The following PAQR5 variants were observed in gnomAD, a reference collection of about 807,000 sequenced individuals.
The protein encoded by PAQR5 is membrane progestin receptor gamma.
A neutral mutation model predicts 34.5 loss-of-function variants in PAQR5; 20 were observed. The observed-to-expected ratio is 0.58, with a 90% CI of 0.41 to 0.84. The LOEUF (loss-of-function observed/expected upper bound fraction) is 0.84. PAQR5 is among the 40% of genes least tolerant of loss of function. The pLI is 0.00. For synonymous variants in PAQR5, 131 were observed against 155.6 expected (o/e 0.84, Z 1.18); for missense variants, 378 against 412.7 (o/e 0.92, Z 0.73).
chr15:69,299,885 G>A (rs1024252182), intron 1 of PAQR5, among the ~76,000 whole-genome samples: 1 of 151,230 alleles, frequency 6.6e-6, no homozygotes, highest in African/African-American at 2.4e-5. Flanking sequence ...CAGGGGATCT[G>A]AGAAGAGCTA....
intron 2 of PAQR5, among the ~76,000 whole-genome samples, chr15:69,338,437 T>A (rs967109460): frequency 2.0e-5 from 3 of 152,238 alleles, no homozygotes; most frequent in African/African-American, 7.2e-5. Flanking sequence ...GGCTGTTCAC[T>A]TAAACACTGT....
chr15:69,360,269 T>TG, intron 3 of PAQR5, 138 bp downstream of exon 3: 1 of 583,310 alleles, frequency 1.7e-6, no homozygotes, highest in Non-Finnish European at 3.1e-6. Context: ...CACACTTCCT[T>TG]GGGGGATATT....
chr15:69,336,529 T>C (rs1468388354), intron 1 of PAQR5, among the ~76,000 whole-genome samples: 1 of 152,222 alleles, frequency 6.6e-6, no homozygotes, highest in Non-Finnish European at 1.5e-5. Context: ...GTGCCACAGG[T>C]AACAAATCTC....
chr15:69,341,353 CTTTT>C (rs370642387), intron 2 of PAQR5, among the ~76,000 whole-genome samples: 2 of 117,704 alleles, frequency 1.7e-5, no homozygotes, highest in Admixed American at 2.0e-4. Context: ...AATTCTATTC[CTTTT>C]TTTTTTTTTT....
rs578025102 is a variant in PAQR5 at position 69,314,372 on chromosome 15, GC to G, written c.-277+15319del. ...CTTTGTCCTAGAGGCAGTTCCAGATGCCCAGTTGCTGGAACATTACTTCTGG... is the reference window on the plus strand; with the variant it reads ...CTTTGTCCTAGAGGCAGTTCCAGATGCCAGTTGCTGGAACATTACTTCTGG... On this transcript the variant is annotated intron_variant, in intron 1 of 8. Transcript: ENST00000395407. 19 of 152,230 alleles carry G rather than the reference GC, an allele frequency of 1.2e-4. No homozygotes were observed. The East Asian group carries it at 3.7e-3, about 29-fold the overall frequency. 9.4% of individuals were successfully genotyped at this position (152,230 alleles called of 1,614,324 possible). A position where few individuals can be genotyped will look rare whatever the true frequency, so the allele number is the denominator to read the frequency against.
chr15:69,317,130 TAGAATAGATTG>T lies in PAQR5; in HGVS notation c.-277+18077_-277+18087del, dbSNP rs1358501987. ...CACTGCACCCAGTCCACAAGGGGTT[TAGAATAGATTG>T]AGTGCTCAATAGTGGTGTTTCAAAT... is the stretch of plus-strand genomic sequence containing the variant. On this transcript the variant is annotated intron_variant, in intron 1 of 8. Transcript: ENST00000395407. 2.6e-5 allele frequency among the ~76,000 whole-genome samples: 4 copies of T among 152,218 alleles called. No individual in the cohort carries two copies. In the East Asian group the frequency reaches 5.8e-4, roughly 22 times the overall value.
chr15:69,366,954 T>G (rs762835380), intron 3 of PAQR5, among the ~76,000 whole-genome samples: 7 of 152,166 alleles, frequency 4.6e-5, no homozygotes, highest in Non-Finnish European at 1.0e-4. Context: ...TATCTAGTAA[T>G]GCTTTTTGCC....
intron 2 of PAQR5, 50 bp from the exon 3 acceptor site, chr15:69,359,916 C>G (rs1312028755): frequency 4.9e-6 from 3 of 611,822 alleles, no homozygotes; most frequent in African/African-American, 3.7e-5. Flanking sequence ...CCTGACCCAG[C>G]TGGAGTTAGG....
chr15:69,335,009 G>C (rs1288627508), intron 1 of PAQR5, among the ~76,000 whole-genome samples: 3 of 151,948 alleles, frequency 2.0e-5, no homozygotes, highest in African/African-American at 7.2e-5. Flanking sequence ...GATCCCTTGA[G>C]GTCAGGAATT....
chr15:69,364,972 G>T (rs925589173), intron 3 of PAQR5, among the ~76,000 whole-genome samples: 3 of 151,736 alleles, frequency 2.0e-5, no homozygotes, highest in African/African-American at 7.3e-5. Flanking sequence ...CCCTGACCTC[G>T]TGATTCACCT....
intron 6 of PAQR5, chr15:69,396,763 G>A (rs2056447259): frequency 4.3e-6 from 1 of 230,454 alleles, no homozygotes; most frequent in East Asian, 1.2e-4. Flanking sequence ...CCCAGGCTGG[G>A]CCCAAGTCAG....
intron 2 of PAQR5, among the ~76,000 whole-genome samples, chr15:69,347,912 A>G (rs917791012): frequency 6.6e-6 from 1 of 152,236 alleles, no homozygotes; most frequent in South Asian, 2.1e-4. Context: ...AAGCTTCAAC[A>G]TATGAATTTT....
chr15:69,326,734 G>T (rs1188804145), intron 1 of PAQR5, among the ~76,000 whole-genome samples: 1 of 152,110 alleles, frequency 6.6e-6, no homozygotes, highest in East Asian at 1.9e-4. Context: ...ACCGCACCTG[G>T]CCTTTTGTTT....
chr15:69,302,721 T>C (rs960443769), intron 1 of PAQR5, among the ~76,000 whole-genome samples: 4 of 152,120 alleles, frequency 2.6e-5, no homozygotes, highest in African/African-American at 4.8e-5. Context: ...GTCAGTTCTG[T>C]TTCCTGGAGG....
intron 3 of PAQR5, among the ~76,000 whole-genome samples, chr15:69,378,974 TCAA>T (rs1327007607): frequency 1.3e-5 from 2 of 152,134 alleles, no homozygotes; most frequent in Non-Finnish European, 2.9e-5. Context: ...TTGGTCTAAA[TCAA>T]CACAGAAGGG....
chr15:69,322,731 GA>G lies in PAQR5; in HGVS notation c.-276-14608del, dbSNP rs1258277664. 4.1e-3 allele frequency among the ~76,000 whole-genome samples: 123 copies of G among 30,134 alleles called. 29 individuals are homozygous for G. Among genetic ancestry groups the G allele is most frequent in the African/African-American group, 9.8e-3 (103 of 10,544 alleles). 19.8% of individuals were successfully genotyped at this position (30,134 alleles called of 152,430 possible). ...AGAAGAAGAAGAAGAAGAAGAAGAA[GA>G]AGAAGAAGAAGAAGAAGAAGAAGAA... On this transcript the variant is annotated intron_variant, in intron 1 of 8. Transcript: ENST00000395407.
rs189246156 is a variant in PAQR5, at chr15:69,308,975, C to T, written c.-277+9919C>T. On this transcript the variant is annotated intron_variant, in intron 1 of 8. Transcript: ENST00000395407. ...TGGACATGAGAGTGCTAAGGAAATC[C>T]CCCAGGTGCAGAGAATGAAACCAAC... is the stretch of plus-strand genomic sequence containing the variant. Among the ~76,000 whole-genome samples, 360 of 152,198 alleles carry T rather than the reference C, an allele frequency of 2.4e-3. 1 individual carries two copies. The highest frequency in any genetic ancestry group is 4.2e-3 in the Non-Finnish European group (283 of 68,014).
At chr15:69,366,494 G>GTA (rs1218686755) in intron 3 of PAQR5, among the ~76,000 whole-genome samples, 3 of 152,160 alleles carry the variant, frequency 2.0e-5, no homozygotes, top group Non-Finnish European at 4.4e-5. Flanking sequence ...GGATCATATG[G>GTA]TAACTCCATG....
chr15:69,322,495 A>G (rs1373006817), intron 1 of PAQR5, among the ~76,000 whole-genome samples: 1 of 147,298 alleles, frequency 6.8e-6, no homozygotes, highest in Non-Finnish European at 1.5e-5. Context: ...AAAAACAAGA[A>G]AAAAACCTAG....
Sources: gnomAD v4.1 joint callset for allele counts (sites outside exome capture counted in the v4.1 genomes callset) on GRCh38, gnomAD v4.1.1 for gene constraint, MANE v1.5 for transcripts, NCBI Gene and HGNC (gene_info 2026-07-23, HGNC 2026-07-21) for gene names.